The following FAS variants were observed in gnomAD, a reference collection of about 807,000 sequenced individuals.
FAS encodes Fas cell surface death receptor.
In FAS, 5 loss-of-function variants were observed where a neutral mutation model predicts 33.2. The ratio of observed to expected loss-of-function variants is 0.15; its 90% CI spans 0.08 to 0.32. FAS has a LOEUF of 0.32. Among genes scored for constraint, FAS ranks in the 10% least tolerant of loss-of-function variants. FAS has a pLI of 1.00. For missense variants in FAS, 339 were observed against 386.0 expected, an observed-to-expected ratio of 0.88 and a Z score of 1.02; for synonymous variants, 131 against 130.7, an observed-to-expected ratio of 1.00 and a Z score of -0.01.
chr10:88,986,632 C>G (rs753742624), upstream of FAS, among the ~76,000 whole-genome samples: 35 of 151,084 alleles, frequency 2.3e-4, no homozygotes, highest in Non-Finnish European at 2.7e-4. Flanking sequence ...GGAAGTAGTA[C>G]AGAAAGGAAG....
Position 89,008,972 on chromosome 10 carries a change from T to G in FAS, c.418T>G (p.Cys140Gly), listed in dbSNP as rs1161840202. 1.2e-6 allele frequency: 2 copies of G among 1,613,748 alleles called. No individual in the cohort carries two copies. The highest frequency in any genetic ancestry group is 1.7e-6 in the Non-Finnish European group (2 of 1,179,742). Residue 140 changes from cysteine (C) to glycine (G), a missense_variant, in exon 4 of 9, where the codon TGT becomes GGT. Cys to Gly is a radical substitution (Grantham distance 159, BLOSUM62 -3). Coordinates refer to ENST00000652046, the MANE Select transcript of FAS (RefSeq NM_000043.6). ...KPNFFCNSTV[C>G]EHCDPCTKCE... is the part of the protein sequence containing the mutation. ...AAACTTTTTTTGTAACTCTACTGTA[T>G]GTGAACACTGTGACCCTTGCACCAA...
intron 1 of FAS, among the ~76,000 whole-genome samples, chr10:88,970,868 T>TA (rs1299413821): frequency 6.8e-6 from 1 of 147,090 alleles, no homozygotes; most frequent in South Asian, 2.1e-4. Flanking sequence ...TAAAGTATAA[T>TA]AAAAAAGTGT....
intron 1 of FAS, among the ~76,000 whole-genome samples, chr10:88,968,686 C>T (rs532916358): frequency 1.8e-4 from 27 of 152,300 alleles, no homozygotes; most frequent in African/African-American, 6.5e-4. Context: ...TTCTGAATCA[C>T]TGAAAGCCTT....
intron 2 of FAS, 132 bp downstream of exon 2, chr10:89,003,326 C>A: frequency 1.1e-6 from 1 of 948,022 alleles, no homozygotes; most frequent in South Asian, 1.6e-5. Flanking sequence ...AGAAAAACAA[C>A]TATGAAATTA....
intron 1 of FAS, among the ~76,000 whole-genome samples, chr10:88,967,987 A>G (rs971024198): frequency 5.3e-5 from 8 of 152,332 alleles, no homozygotes; most frequent in African/African-American, 1.9e-4. Flanking sequence ...CAACTATAGT[A>G]ACCAGATAAA....
intron 2 of FAS, among the ~76,000 whole-genome samples, chr10:89,005,828 G>A (rs935709997): frequency 2.0e-5 from 3 of 152,020 alleles, no homozygotes; most frequent in African/African-American, 4.8e-5. Context: ...TAATAGAGGC[G>A]GGGTTTCACC....
At chr10:88,992,337 TTC>T (rs1847288612) in intron 1 of FAS, 1 of 152,234 alleles carries the variant, frequency 6.6e-6, no homozygotes, top group Non-Finnish European at 1.5e-5. Flanking sequence ...GGCCACACTC[TTC>T]TCTCTCTTGT....
intron 1 of FAS, among the ~76,000 whole-genome samples, chr10:88,999,101 C>T (rs1250069566): frequency 1.3e-5 from 2 of 150,600 alleles, no homozygotes; most frequent in African/African-American, 4.9e-5. Context: ...TGCAGTGAGC[C>T]GAGATCGCGC....
chr10:88,972,593 T>G (rs1713236217), intron 1 of FAS, among the ~76,000 whole-genome samples: 1 of 152,322 alleles, frequency 6.6e-6, no homozygotes, highest in Admixed American at 6.5e-5. Flanking sequence ...ATTAGCTTTT[T>G]AACTATATCT....
chr10:88,972,480 T>C (rs1419186735), intron 1 of FAS, among the ~76,000 whole-genome samples: 2 of 152,210 alleles, frequency 1.3e-5, no homozygotes, highest in African/African-American at 4.8e-5. Context: ...TTACTGTTCT[T>C]TGATCTATTT....
chr10:88,991,183 T>A lies in FAS; in HGVS notation c.30+277T>A, dbSNP rs976722346. 4 of 576,488 alleles carry A rather than the reference T, an allele frequency of 6.9e-6. No homozygotes were observed. In the East Asian group the frequency reaches 1.2e-4, roughly 17 times the overall value. The allele number at this position is 576,488 out of a possible 1,614,324, so 35.7% of individuals were successfully genotyped here. A position where few individuals can be genotyped will look rare whatever the true frequency, so the allele number is the denominator to read the frequency against. On this transcript the variant is annotated intron_variant, in intron 1 of 8. Coordinates refer to ENST00000652046, the MANE Select transcript of FAS (RefSeq NM_000043.6). Reference sequence around the variant, plus strand: ...TGGGCAGGCGGGGCAGCTCCGGCGCTCCTCGGAGACCACTGCGCTCCACGT... The same window carrying A: ...TGGGCAGGCGGGGCAGCTCCGGCGCACCTCGGAGACCACTGCGCTCCACGT...
intron 1 of FAS, among the ~76,000 whole-genome samples, chr10:88,995,195 C>G (rs1251686587): frequency 6.6e-6 from 1 of 152,046 alleles, no homozygotes; most frequent in Non-Finnish European, 1.5e-5. Flanking sequence ...TTATATAGTT[C>G]TACTTCTAAC....
chr10:88,999,680 C>T (rs113450664), intron 1 of FAS, among the ~76,000 whole-genome samples: 3 of 152,244 alleles, frequency 2.0e-5, no homozygotes, highest in African/African-American at 7.2e-5. Context: ...TCTCTAGAGG[C>T]ATAAAAATAG....
Position 89,016,375 on chromosome 10 carries a change from T to C in FAS, c.*1925T>C. 1 of 218,698 alleles carries C rather than the reference T, an allele frequency of 4.6e-6. No individual in the cohort carries two copies. 13.5% of individuals were successfully genotyped at this position (218,698 alleles called of 1,614,324 possible). ...CCATCATAGTCTGTGCTGTCTGCTC[T>C]CCAGTTTTCTATTTCTAGACAGAAG... On this transcript the variant is annotated 3_prime_UTR_variant, in exon 9 of 9. Transcript: ENST00000652046.
At chr10:88,991,026 G>A (rs1005491142) in intron 1 of FAS, 120 bp downstream of exon 1, 5 of 1,401,530 alleles carry the variant, frequency 3.6e-6, no homozygotes, top group African/African-American at 1.4e-5. Flanking sequence ...GGGCACCTGG[G>A]AGCGGCGGGC....
chr10:89,009,037 A>C, intron 4 of FAS, 40 bp downstream of exon 4: 1 of 1,486,164 alleles, frequency 6.7e-7, no homozygotes, highest in Non-Finnish European at 9.4e-7. Context: ...ACTAGATATA[A>C]CATGAGAGTT....
At chr10:88,975,336 G>A (rs753460512) in intron 2 of FAS, among the ~76,000 whole-genome samples, 1 of 152,202 alleles carries the variant, frequency 6.6e-6, no homozygotes, top group African/African-American at 2.4e-5. Flanking sequence ...TTTGAATGAG[G>A]TATTAGCTCC....
At chr10:88,990,791 G>C (rs778637136), upstream of FAS, 7 of 1,580,388 alleles carry the variant, frequency 4.4e-6, no homozygotes, top group Non-Finnish European at 6.1e-6. This position sits in a 1 kb window ranked among gnomAD's most constrained non-coding sequence, Gnocchi z 4.9. Flanking sequence ...TGCCCAGGCG[G>C]AGCTGCCTCT....
At chr10:88,984,540 A>G (rs1032244922), upstream of FAS, among the ~76,000 whole-genome samples, 2 of 152,250 alleles carry the variant, frequency 1.3e-5, no homozygotes, top group Non-Finnish European at 2.9e-5. Context: ...TATTTGCTAT[A>G]TGAAAACATA....
Sources: gnomAD v4.1 joint callset for allele counts (sites outside exome capture counted in the v4.1 genomes callset) on GRCh38, gnomAD v4.1.1 for gene constraint, Gnocchi (gnomAD v3.1) non-coding constraint, MANE v1.5 for transcripts, NCBI Gene and HGNC (gene_info 2026-07-23, HGNC 2026-07-21) for gene names.